The following LRRC63 variants were observed in gnomAD, a reference collection of about 807,000 sequenced individuals.
LRRC63 encodes the protein leucine rich repeat containing 63.
A neutral mutation model predicts 49.5 loss-of-function variants in LRRC63; 40 were observed. The observed-to-expected ratio is 0.81, with a 90% CI of 0.63 to 1.05. The LOEUF is 1.05. Ranked by LOEUF, LRRC63 falls within the 50% of genes least tolerant of loss-of-function variation. The pLI is 0.00. For missense variants in LRRC63, 636 were observed against 663.1 expected (o/e 0.96, Z 0.45); for synonymous variants, 191 against 221.1 (o/e 0.86, Z 1.21).
intron 2 of LRRC63, among the ~76,000 whole-genome samples, chr13:46,222,331 T>G (rs979847937): frequency 6.6e-6 from 1 of 152,186 alleles, no homozygotes; most frequent in Non-Finnish European, 1.5e-5. Context: ...CATAAATTAT[T>G]TTCCTAGACC....
intron 9 of LRRC63, among the ~76,000 whole-genome samples, chr13:46,273,545 T>A (rs1169453214): frequency 2.1e-5 from 3 of 144,334 alleles, no homozygotes; most frequent in African/African-American, 7.9e-5. Flanking sequence ...GAGGTTGCAG[T>A]GAGCCAAGAT....
At chr13:46,218,791 G>A (rs893543124) in intron 2 of LRRC63, among the ~76,000 whole-genome samples, 1 of 152,144 alleles carries the variant, frequency 6.6e-6, no homozygotes, top group Non-Finnish European at 1.5e-5. Context: ...TTGTAAGGCA[G>A]GCCTGGTGGT....
rs1420895917 is a variant in LRRC63, at chr13:46,276,688, T to C, written c.1649T>C (p.Met550Thr). 9 of 1,230,700 alleles carry C rather than the reference T, an allele frequency of 7.3e-6. No individual in the cohort carries two copies. The African/African-American group carries it at 7.8e-5, about 11-fold the overall frequency. 76.2% of individuals were successfully genotyped at this position (1,230,700 alleles called of 1,614,324 possible). The change falls in exon 10 of 10, where the codon ATG becomes ACG. Residue 550 changes from methionine to threonine, a missense_variant. Coordinates refer to ENST00000595396, the Ensembl canonical transcript of LRRC63. ...TTTGGAGCATCACAGCTTCCAGTTA[T>C]GTTTTATGTCTGTTCTCCTTCTTGC...
chr13:46,276,868 TTA>T (rs764407277), exon 10 of LRRC63: 9,683 of 148,316 alleles, frequency 0.065, 483 homozygotes, highest in African/African-American at 0.11. Context: ...ATATATATAT[TTA>T]TATATATATA....
chr13:46,256,876 T>C (rs765698029), intron 7 of LRRC63, among the ~76,000 whole-genome samples: 2 of 152,192 alleles, frequency 1.3e-5, no homozygotes, highest in Non-Finnish European at 2.9e-5. Flanking sequence ...TGAACTGTGA[T>C]AGGGCGAATA....
rs531256272 is a variant in LRRC63, at chr13:46,272,742, T to G, written c.1551-3848T>G. The stretch of plus-strand genomic sequence containing the variant: ...TATGGCATATTCATACTATAAAACA[T>G]TATGATGCTGTTAATAAGAATGAAG... On this transcript the variant is annotated intron_variant, in intron 9 of 9. Transcript: ENST00000595396. Among the ~76,000 whole-genome samples, 4 of 152,208 alleles carry G rather than the reference T, an allele frequency of 2.6e-5. No individual in the cohort carries two copies. The South Asian group carries it at 8.3e-4, about 31-fold the overall frequency.
At chr13:46,214,701 G>A (rs2046196825) in intron 2 of LRRC63, among the ~76,000 whole-genome samples, 1 of 151,298 alleles carries the variant, frequency 6.6e-6, no homozygotes, top group South Asian at 2.1e-4. Flanking sequence ...TGTTACATAG[G>A]TATACATATG....
chr13:46,248,913 T>A (rs199827780), intron 6 of LRRC63, among the ~76,000 whole-genome samples: 1 of 67,400 alleles, frequency 1.5e-5, no homozygotes, highest in Non-Finnish European at 2.8e-5. Context: ...CTCAATAAAT[T>A]TAAAAGGATT....
chr13:46,219,409 G>A (rs1341482462), intron 2 of LRRC63, among the ~76,000 whole-genome samples: 1 of 152,136 alleles, frequency 6.6e-6, no homozygotes, highest in African/African-American at 2.4e-5. Flanking sequence ...TGATACTTGT[G>A]TATGCTTCAC....
chr13:46,255,020 T>C (rs1020321136), intron 7 of LRRC63, among the ~76,000 whole-genome samples: 8 of 152,176 alleles, frequency 5.3e-5, no homozygotes, highest in African/African-American at 1.9e-4. Context: ...CAAATGTCCA[T>C]TAACAGATTA....
At chr13:46,268,790 G>T (rs1163133768) in intron 9 of LRRC63, among the ~76,000 whole-genome samples, 1 of 150,218 alleles carries the variant, frequency 6.7e-6, no homozygotes, top group African/African-American at 2.5e-5. Context: ...GAGAAAAGCA[G>T]TTGGAAAATA....
intron 7 of LRRC63, among the ~76,000 whole-genome samples, chr13:46,253,067 A>G (rs2047425832): frequency 6.6e-6 from 1 of 152,184 alleles, no homozygotes; most frequent in South Asian, 2.1e-4. Flanking sequence ...AGGCCATTGC[A>G]GTAGTTCAAG....
chr13:46,262,468 G>A (rs1418418948), intron 8 of LRRC63, among the ~76,000 whole-genome samples: 2 of 152,040 alleles, frequency 1.3e-5, no homozygotes, highest in Non-Finnish European at 2.9e-5. Context: ...TTATTTTTCA[G>A]TAATAGTCTC....
At chr13:46,260,335 G>A (rs2047594204) in intron 7 of LRRC63, among the ~76,000 whole-genome samples, 1 of 152,192 alleles carries the variant, frequency 6.6e-6, no homozygotes, top group African/African-American at 2.4e-5. Context: ...AGAAGTCAGA[G>A]ATGAACACTG....
chr13:46,262,578 A>G (rs1244588200), intron 8 of LRRC63, among the ~76,000 whole-genome samples: 1 of 152,140 alleles, frequency 6.6e-6, no homozygotes, highest in Non-Finnish European at 1.5e-5. Flanking sequence ...TTTAATTGCA[A>G]TTGCATAGAG....
intron 9 of LRRC63, among the ~76,000 whole-genome samples, 180 bp from the exon 10 acceptor site, chr13:46,276,410 A>T (rs2047837671): frequency 1.3e-5 from 2 of 152,292 alleles, no homozygotes; most frequent in South Asian, 2.1e-4. Context: ...TATTATACAT[A>T]TACCTACTTT....
At chr13:46,243,531 A>G (rs531723824) in intron 5 of LRRC63, among the ~76,000 whole-genome samples, 2 of 152,250 alleles carry the variant, frequency 1.3e-5, no homozygotes, top group African/African-American at 2.4e-5. Flanking sequence ...CTTTCTCTAT[A>G]AAGACACAGG....
At chr13:46,252,609 G>A (rs1315825434) in intron 7 of LRRC63, among the ~76,000 whole-genome samples, 1 of 152,046 alleles carries the variant, frequency 6.6e-6, no homozygotes, top group African/African-American at 2.4e-5. Flanking sequence ...TGAGTTACAT[G>A]TAACCCATTC....
In LRRC63 at chr13:46,276,828, G is replaced by GTATATA. The variant is rs375853565; in HGVS notation, c.*43_*48dup. ...GTACAATGATTTATCGTATGTGTGT[G>GTATATA]TATATATATATATATATATATATTT... is the stretch of plus-strand genomic sequence containing the variant. On this transcript the variant is annotated 3_prime_UTR_variant, in exon 10 of 10. Coordinates refer to ENST00000595396, the Ensembl canonical transcript of LRRC63. 107 of 140,032 alleles carry GTATATA rather than the reference G, an allele frequency of 7.6e-4. 3 individuals carry two copies. In the South Asian group the frequency reaches 0.022, roughly 29 times the overall value. 8.7% of individuals were successfully genotyped at this position (140,032 alleles called of 1,614,324 possible).
Sources: gnomAD v4.1 joint callset for allele counts (sites outside exome capture counted in the v4.1 genomes callset) on GRCh38, gnomAD v4.1.1 for gene constraint, MANE v1.5 for transcripts, NCBI Gene and HGNC (gene_info 2026-07-23, HGNC 2026-07-21) for gene names.